L3MBTL2: variants seen among roughly 807,000 people sequenced by gnomAD.
L3MBTL2 encodes L3MBTL histone methyl-lysine binding protein 2, also known as lethal(3)malignant brain tumor-like protein 2.
A neutral mutation model predicts 86.4 loss-of-function variants in L3MBTL2; 49 were observed. That is an observed-to-expected ratio of 0.57 (90% confidence interval 0.45 to 0.72). The LOEUF (loss-of-function observed/expected upper bound fraction) is 0.72, where lower values mean the gene tolerates loss of function less well. L3MBTL2 is among the 30% of genes least tolerant of loss of function. The pLI, the probability that L3MBTL2 is intolerant of heterozygous loss-of-function variation, is 0.00. For missense variants in L3MBTL2, 755 were observed against 923.7 expected (o/e 0.82, Z 2.37); for synonymous variants, 336 against 350.6 (o/e 0.96, Z 0.47).
At chr22:41,220,017 G>A (rs1052638580) in intron 6 of L3MBTL2, among the ~76,000 whole-genome samples, 1 of 152,102 alleles carries the variant, frequency 6.6e-6, no homozygotes, top group Non-Finnish European at 1.5e-5. Flanking sequence ...GATTATAGGC[G>A]TGAGCCACCG....
chr22:41,219,372 C>T (rs2273085), intron 5 of L3MBTL2, 47 bp from the exon 6 acceptor site: 432,871 of 1,424,658 alleles, frequency 0.3, 69,308 homozygotes, highest in Admixed American at 0.52. Flanking sequence ...GTCTCCCCTG[C>T]TAGCACAGTT....
chr22:41,210,143 C>CTTTTTTTTTTTT (rs869292228), intron 2 of L3MBTL2: 1 of 157,902 alleles, frequency 6.3e-6, no homozygotes, highest in African/African-American at 3.5e-5. Flanking sequence ...AGTCTAATTT[C>CTTTTTTTTTTTT]TTTTTTTTTT....
At chr22:41,226,981 C>T in intron 13 of L3MBTL2, 108 bp from the exon 14 acceptor site, 2 of 983,318 alleles carry the variant, frequency 2.0e-6, no homozygotes, top group Non-Finnish European at 3.0e-6. Flanking sequence ...AGCAGCCATT[C>T]CAGTCCCCGC....
In L3MBTL2 at chr22:41,230,483, GA is replaced by G; in HGVS notation, c.*234del. ...ATATGACGGGCCGCCTGAGGCCCCAGAACTCGTCTGTGAACCACCTTTTCCA... is the reference window on the plus strand; with the variant it reads ...ATATGACGGGCCGCCTGAGGCCCCAGACTCGTCTGTGAACCACCTTTTCCA... On this transcript the variant is annotated 3_prime_UTR_variant, in exon 17 of 17. Coordinates refer to ENST00000216237, the MANE Select transcript of L3MBTL2 (RefSeq NM_031488.5). 2.0e-6 allele frequency: 1 copy of G among 510,948 alleles called. No homozygotes were observed. Among genetic ancestry groups the G allele is most frequent in the Non-Finnish European group, 3.5e-6 (1 of 287,934 alleles). The allele number at this position is 510,948 out of a possible 1,614,324, so 31.7% of individuals were successfully genotyped here.
chr22:41,220,179 C>G (rs2031707776), intron 6 of L3MBTL2, among the ~76,000 whole-genome samples: 1 of 152,120 alleles, frequency 6.6e-6, no homozygotes, highest in African/African-American at 2.4e-5. Context: ...GAGATACTGT[C>G]TCTATAAAAA....
At chr22:41,215,460 G>A (rs2145582287) in intron 3 of L3MBTL2, among the ~76,000 whole-genome samples, 1 of 152,298 alleles carries the variant, frequency 6.6e-6, no homozygotes, top group East Asian at 1.9e-4. Flanking sequence ...TTGCCCTGTA[G>A]GTTTGTTTGG....
Position 41,225,029 on chromosome 22 carries a change from C to G in L3MBTL2, c.1314C>G (p.Asp438Glu). 6.2e-7 allele frequency: 1 copy of G among 1,614,098 alleles called. No homozygotes were observed. Among genetic ancestry groups the G allele is most frequent in the South Asian group, 1.1e-5 (1 of 91,088 alleles). The change falls in exon 11 of 17, where the codon GAC (aspartate) becomes GAG (glutamate). Residue 438 changes from aspartate to glutamate, a missense_variant. Asp to Glu is a conservative substitution (Grantham distance 45, BLOSUM62 2). Coordinates refer to ENST00000216237, the MANE Select transcript of L3MBTL2 (RefSeq NM_031488.5). The surrounding 1 kb of genome is among the most constrained non-coding windows in gnomAD (Gnocchi z 4.1). ...AAGGGATGAAGCTGGAGGCCATTGA[C>G]CCCCTGAATCTGGGCAACATCTGCG... The part of the protein sequence containing the change: ...FEEGMKLEAI[D>E]PLNLGNICVA...
chr22:41,206,346 T>C (rs2030208940), intron 1 of L3MBTL2, among the ~76,000 whole-genome samples: 1 of 152,098 alleles, frequency 6.6e-6, no homozygotes, highest in African/African-American at 2.4e-5. Flanking sequence ...GGTGTTCCTA[T>C]GTTGCCCTGG....
At chr22:41,207,837 G>A (rs1035993771) in intron 1 of L3MBTL2, among the ~76,000 whole-genome samples, 1 of 150,598 alleles carries the variant, frequency 6.6e-6, no homozygotes, top group African/African-American at 2.4e-5. Context: ...CCACCACCCA[G>A]CTTTTTTTTT....
intron 15 of L3MBTL2, 170 bp downstream of exon 15, chr22:41,228,039 A>G (rs2032313618): frequency 9.1e-6 from 9 of 985,290 alleles, no homozygotes; most frequent in Non-Finnish European, 1.1e-5. Flanking sequence ...CCTTTGGCCT[A>G]CGGGCCTTTC....
chr22:41,225,985 G>A lies in L3MBTL2; in HGVS notation c.1504+44G>A. On this transcript the variant is annotated intron_variant, in intron 12 of 16. Transcript: ENST00000216237. This position sits in a 1 kb window ranked among gnomAD's most constrained non-coding sequence, Gnocchi z 4.1. ...CCACCTGCTGTCCTTGCCATCAGAA[G>A]GGGCAGGGTGTCCAGGCGCGGTGGC... The A allele has an allele frequency of 6.2e-7, 1 of 1,603,026 alleles. No homozygotes were observed.
chr22:41,209,997 G>C, intron 2 of L3MBTL2, 64 bp downstream of exon 2: 9 of 1,579,246 alleles, frequency 5.7e-6, no homozygotes, highest in Non-Finnish European at 7.7e-6. Context: ...AGAGGGGGGT[G>C]GATATAGGCT....
At position 41,230,289 on chromosome 22, in the gene L3MBTL2, A is replaced by G. The variant is rs746562744; in HGVS notation, c.*38A>G. On this transcript the variant is annotated 3_prime_UTR_variant, in exon 17 of 17. Transcript: ENST00000216237. ...CCAGCCTGGCTTCTAGCTGGAAGCC[A>G]GCCCAGCGTTTCTCTACCACCACCA... The G allele has an allele frequency of 1.3e-6, 2 of 1,507,594 alleles. No individual in the cohort carries two copies. The highest frequency in any genetic ancestry group is 2.3e-5 in the South Asian group (2 of 88,652). 93.4% of individuals were successfully genotyped at this position (1,507,594 alleles called of 1,614,324 possible).
rs1383141061 is a variant in L3MBTL2 at position 41,221,134 on chromosome 22, C to T, written c.854-65C>T. On this transcript the variant is annotated intron_variant, in intron 7 of 16. Coordinates refer to ENST00000216237, the MANE Select transcript of L3MBTL2 (RefSeq NM_031488.5). ...GAGGGGTCCCCACTCTGGGTCGGCG[C>T]TAGCGCCCCTGTCAGTGGAGGTTTG... 3.5e-6 allele frequency: 5 copies of T among 1,410,102 alleles called. No homozygotes were observed. The African/African-American group carries it at 8.9e-5, about 25-fold the overall frequency. The allele number at this position is 1,410,102 out of a possible 1,614,324, so 87.3% of individuals were successfully genotyped here. A position where few individuals can be genotyped will look rare whatever the true frequency, so the allele number is the denominator to read the frequency against.
chr22:41,205,498 G>A (rs1238206464), intron 1 of L3MBTL2, 112 bp downstream of exon 1: 4 of 1,289,240 alleles, frequency 3.1e-6, no homozygotes, highest in Admixed American at 3.4e-5. Flanking sequence ...GTGGGAGGAT[G>A]GATAAACTGA....
intron 1 of L3MBTL2, among the ~76,000 whole-genome samples, chr22:41,206,313 G>A (rs113436909): frequency 7.9e-5 from 12 of 151,020 alleles, no homozygotes; most frequent in African/African-American, 2.7e-4. Flanking sequence ...TTGGTTTCTG[G>A]GCACCTTATA....
chr22:41,230,245 C>T lies in L3MBTL2; in HGVS notation c.2112C>T (p.Asp704=), dbSNP rs200802544. 3.4e-5 allele frequency: 55 copies of T among 1,612,992 alleles called. No homozygotes were observed. In the Middle Eastern group the frequency reaches 4.9e-4, roughly 15 times the overall value. ...TCGAGAACATCAAGCAGGAAACAGA[C>T]GACTGAGCCTTCCTGCCTCCAGCCT... ...VSVENIKQET[D]D The change falls in exon 17 of 17, where the codon GAC becomes GAT. Residue 704 remains aspartate (D), a synonymous_variant. Coordinates refer to ENST00000216237, the MANE Select transcript of L3MBTL2 (RefSeq NM_031488.5).
At chr22:41,222,368 A>G (rs79545) in intron 8 of L3MBTL2, among the ~76,000 whole-genome samples, 112,742 of 152,220 alleles carry the variant, frequency 0.74, 42,639 homozygotes, top group African/African-American at 0.9. Flanking sequence ...GGTAAAGCCC[A>G]GTCTGGGGCG....
Position 41,224,185 on chromosome 22 carries a change from A to G in L3MBTL2, c.1108A>G (p.Met370Val). ...CAGTGACGACGACTTCTGGTGCCAC[A>G]TGTGGAGCCCCCTGATCCACCCAGT... is the stretch of plus-strand genomic sequence containing the variant. ...GDSDDDFWCH[M>V]WSPLIHPVGW... is the part of the protein sequence containing the mutation. The change falls in exon 9 of 17, where the codon ATG becomes GTG. Residue 370 changes from methionine (M) to valine (V), a missense_variant. Coordinates refer to ENST00000216237, the MANE Select transcript of L3MBTL2 (RefSeq NM_031488.5). The surrounding 1 kb of genome is among the most constrained non-coding windows in gnomAD (Gnocchi z 4.9). 6.2e-7 allele frequency: 1 copy of G among 1,614,090 alleles called. No individual in the cohort carries two copies. The highest frequency in any genetic ancestry group is 2.2e-5 in the East Asian group (1 of 44,874).
Sources: allele counts gnomAD v4.1 joint callset (sites outside exome capture counted in the v4.1 genomes callset), GRCh38; gene constraint gnomAD v4.1.1; non-coding constraint Gnocchi (gnomAD v3.1); transcripts MANE v1.5; gene names NCBI Gene and HGNC (gene_info 2026-07-23, HGNC 2026-07-21).